The following TRPM3 variants were observed in gnomAD, a reference collection of about 807,000 sequenced individuals.
The protein encoded by TRPM3 is transient receptor potential cation channel subfamily M member 3.
TRPM3 carries 77 observed loss-of-function variants against 181.2 expected under a neutral mutation model. That is an observed-to-expected ratio of 0.42 (90% CI 0.35 to 0.51). The LOEUF is 0.51. TRPM3 is among the 20% of genes least tolerant of loss of function. The pLI, the probability that TRPM3 is intolerant of heterozygous loss-of-function variation, is 0.01. For synonymous variants in TRPM3, 745 were observed against 796.4 expected, an observed-to-expected ratio of 0.94 and a Z score of 1.09; for missense variants, 1,759 against 2,196.7, an observed-to-expected ratio of 0.80 and a Z score of 3.98.
chr9:70,679,187 T>G (rs2064797876), intron 9 of TRPM3, among the ~76,000 whole-genome samples: 1 of 152,182 alleles, frequency 6.6e-6, no homozygotes, highest in Non-Finnish European at 1.5e-5. Flanking sequence ...GAATAGAAAA[T>G]ACCCAATTTC....
chr9:71,319,043 ATT>A (rs1233828173), intron 1 of TRPM3, among the ~76,000 whole-genome samples: 2 of 23,072 alleles, frequency 8.7e-5, no homozygotes, highest in Non-Finnish European at 1.7e-4. Flanking sequence ...AGATTCACCA[ATT>A]TTGTCCCATG....
At chr9:70,588,622 G>A (rs1052027356) in intron 22 of TRPM3, among the ~76,000 whole-genome samples, 8 of 152,176 alleles carry the variant, frequency 5.3e-5, no homozygotes, top group East Asian at 1.9e-4. Context: ...GGGTCCAGGC[G>A]GATATGAGAT....
intron 8 of TRPM3, among the ~76,000 whole-genome samples, chr9:70,694,628 C>A (rs940117022): frequency 1.1e-4 from 16 of 152,054 alleles, no homozygotes; most frequent in African/African-American, 3.4e-4. Flanking sequence ...CTACAGGCAC[C>A]CGCCACCACG....
At chr9:70,602,106 C>CTTTTTT (rs6151027) in intron 20 of TRPM3, among the ~76,000 whole-genome samples, 9,563 of 127,916 alleles carry the variant, frequency 0.075, 743 homozygotes, top group African/African-American at 0.18. Flanking sequence ...CAAGGCATTC[C>CTTTTTT]TTTTTTTTTT....
In TRPM3 at chr9:71,157,947, CT is replaced by C. The variant is rs750530675; in HGVS notation, c.183+288705del. 8.3e-4 allele frequency among the ~76,000 whole-genome samples: 126 copies of C among 152,182 alleles called. 1 individual carries two copies. The highest frequency in any genetic ancestry group is 2.4e-3 in the African/African-American group (98 of 41,544). On this transcript the variant is annotated intron_variant, in intron 1 of 24. Coordinates refer to the TRPM3 transcript ENST00000357533. ...AAGAGGACAGATTGTCAAAAAATGT[CT>C]GCATTTGGCACTACAGAACAGTTGA...
intron 22 of TRPM3, among the ~76,000 whole-genome samples, chr9:70,579,956 G>A (rs544044391): frequency 4.7e-4 from 71 of 152,254 alleles, no homozygotes; most frequent in South Asian, 2.3e-3. Context: ...CAGCTTCCAC[G>A]TCACCTGCCC....
intron 25 of TRPM3, among the ~76,000 whole-genome samples, chr9:70,538,284 T>A (rs2042297654): frequency 6.6e-6 from 1 of 152,222 alleles, no homozygotes; most frequent in Non-Finnish European, 1.5e-5. Flanking sequence ...CTTTTCTTTT[T>A]AAAATTAAAT....
chr9:71,083,970 A>G (rs953455387), intron 1 of TRPM3, among the ~76,000 whole-genome samples: 1 of 152,014 alleles, frequency 6.6e-6, no homozygotes, highest in Non-Finnish European at 1.5e-5. Flanking sequence ...GCATCCGAAC[A>G]TACTTTAGAA....
chr9:71,055,545 T>C (rs1169050688), intron 1 of TRPM3, among the ~76,000 whole-genome samples: 5 of 152,038 alleles, frequency 3.3e-5, no homozygotes, highest in Non-Finnish European at 7.4e-5. Flanking sequence ...ACACACATCA[T>C]GTCTTATATT....
At chr9:70,835,424 G>A (rs952192151) in intron 5 of TRPM3, among the ~76,000 whole-genome samples, 3 of 151,670 alleles carry the variant, frequency 2.0e-5, no homozygotes, top group African/African-American at 7.3e-5. Context: ...ATTCTAAACT[G>A]GTGGATGCAT....
At chr9:71,402,766 G>A (rs191033138) in intron 1 of TRPM3, among the ~76,000 whole-genome samples, 1 of 152,182 alleles carries the variant, frequency 6.6e-6, no homozygotes, top group East Asian at 1.9e-4. Flanking sequence ...AGACAGGGAG[G>A]CCATGCCTTT....
chr9:71,283,861 G>C (rs2085059744), intron 1 of TRPM3, among the ~76,000 whole-genome samples: 1 of 152,162 alleles, frequency 6.6e-6, no homozygotes, highest in African/African-American at 2.4e-5. Context: ...ACATCTATGT[G>C]AGTTCAGATA....
intron 22 of TRPM3, among the ~76,000 whole-genome samples, chr9:70,572,236 T>G (rs1033948179): frequency 6.6e-6 from 1 of 152,222 alleles, no homozygotes; most frequent in African/African-American, 2.4e-5. Context: ...AAAAACAGAC[T>G]TTTAACAAAC....
intron 1 of TRPM3, among the ~76,000 whole-genome samples, chr9:71,441,466 A>G (rs907867517): frequency 6.6e-6 from 1 of 152,202 alleles, no homozygotes; most frequent in Non-Finnish European, 1.5e-5. Context: ...GTTTAATGAC[A>G]TTGCAGTAGC....
At chr9:70,964,120 A>G (rs569642717) in intron 1 of TRPM3, among the ~76,000 whole-genome samples, 1 of 152,268 alleles carries the variant, frequency 6.6e-6, no homozygotes, top group South Asian at 2.1e-4. Context: ...GAAGTAGCAT[A>G]CGCTGCCTGG....
intron 1 of TRPM3, among the ~76,000 whole-genome samples, chr9:70,978,908 A>T (rs1398818283): frequency 6.6e-6 from 1 of 152,156 alleles, no homozygotes; most frequent in Non-Finnish European, 1.5e-5. Context: ...TACTTTTCCC[A>T]CAAATGTTAG....
At chr9:71,106,691 C>A (rs1011422460) in intron 1 of TRPM3, among the ~76,000 whole-genome samples, 2 of 152,202 alleles carry the variant, frequency 1.3e-5, no homozygotes, top group South Asian at 4.1e-4. Context: ...CATTTTATAG[C>A]TGTCCAGAGC....
chr9:71,011,424 A>G (rs763420542), intron 1 of TRPM3, among the ~76,000 whole-genome samples: 2 of 152,182 alleles, frequency 1.3e-5, no homozygotes, highest in Non-Finnish European at 2.9e-5. Flanking sequence ...AGTTATGCCA[A>G]TTATAAACAA....
At chr9:70,621,458 G>A (rs1048720874) in intron 14 of TRPM3, among the ~76,000 whole-genome samples, 185 bp from the exon 15 acceptor site, 2 of 151,988 alleles carry the variant, frequency 1.3e-5, no homozygotes, top group East Asian at 1.9e-4. Flanking sequence ...TCAACCTCCC[G>A]GGCTCAAGTG....
Sources: gnomAD v4.1 joint callset for allele counts (sites outside exome capture counted in the v4.1 genomes callset) on GRCh38, gnomAD v4.1.1 for gene constraint, MANE v1.5 for transcripts, NCBI Gene and HGNC (gene_info 2026-07-23, HGNC 2026-07-21) for gene names.